Variants in LRRC37A2 observed in about 807,000 individuals in gnomAD.
The protein encoded by LRRC37A2 is leucine-rich repeat-containing protein 37A2.
A neutral mutation model predicts 68.8 loss-of-function variants in LRRC37A2; 9 were observed. That is an observed-to-expected ratio of 0.13 (90% CI 0.08 to 0.23). The LOEUF is 0.23. Ranked by LOEUF, LRRC37A2 falls within the 10% of genes least tolerant of loss-of-function variation. LRRC37A2 has a pLI of 1.00. For missense variants in LRRC37A2, 168 were observed against 950.4 expected (o/e 0.18, Z 10.82); for synonymous variants, 63 against 367.6 (o/e 0.17, Z 9.48).
At chr17:46,949,159 G>A in the LRRC37A2 span, 5 of 152,208 alleles carry the variant, frequency 3.3e-5, no homozygotes, top group Admixed American at 2.6e-4. Flanking sequence ...GCGATGTCTG[G>A]GGCCTCAGAT....
At chr17:46,766,004 C>T in the LRRC37A2 span, among the ~76,000 whole-genome samples, 1 of 152,128 alleles carries the variant, frequency 6.6e-6, no homozygotes, top group Non-Finnish European at 1.5e-5. Context: ...GGGTAGGAAC[C>T]ACTTGGACAC....
chr17:46,781,157 G>A, the LRRC37A2 span, among the ~76,000 whole-genome samples: 3 of 151,688 alleles, frequency 2.0e-5, no homozygotes, highest in Non-Finnish European at 4.4e-5. Flanking sequence ...GAACCTGAGA[G>A]GCAGAGGTTA....
At chr17:46,896,399 A>AAAG in the LRRC37A2 span, among the ~76,000 whole-genome samples, 4 of 65,454 alleles carry the variant, frequency 6.1e-5, no homozygotes, top group East Asian at 2.0e-3. Flanking sequence ...AAAGAGAAAG[A>AAAG]AAGAAAGAAA....
At chr17:46,717,982 T>C in the LRRC37A2 span, among the ~76,000 whole-genome samples, 4 of 152,200 alleles carry the variant, frequency 2.6e-5, no homozygotes, top group Non-Finnish European at 2.9e-5. Flanking sequence ...CCAGATCTAC[T>C]TGGGGCTAGT....
the LRRC37A2 span, among the ~76,000 whole-genome samples, chr17:46,894,702 A>G: frequency 6.6e-6 from 1 of 151,934 alleles, no homozygotes; most frequent in Non-Finnish European, 1.5e-5. Flanking sequence ...CTCCTGTGGA[A>G]TGACGAGCTC....
At chr17:46,788,692 G>A in the LRRC37A2 span, among the ~76,000 whole-genome samples, 7 of 152,128 alleles carry the variant, frequency 4.6e-5, no homozygotes, top group African/African-American at 1.2e-4. Context: ...TCTTTCACTC[G>A]TTTCCATGTA....
the LRRC37A2 span, among the ~76,000 whole-genome samples, chr17:46,982,699 TG>T: frequency 2.6e-5 from 4 of 152,054 alleles, no homozygotes; most frequent in Non-Finnish European, 5.9e-5. Context: ...GGGGAGGTGC[TG>T]GGGAGGGAAA....
the LRRC37A2 span, chr17:46,830,742 G>A: frequency 2.5e-6 from 1 of 398,570 alleles, no homozygotes; most frequent in Non-Finnish European, 4.4e-6. Flanking sequence ...AGAGGGCCAC[G>A]GGTGTTCTAG....
At chr17:46,872,723 A>G in the LRRC37A2 span, 23 of 1,460,640 alleles carry the variant, frequency 1.6e-5, no homozygotes, top group East Asian at 8.9e-5. Context: ...CAGTTCCGGC[A>G]TGAGCGCTGG....
At chr17:46,973,691 C>T in the LRRC37A2 span, among the ~76,000 whole-genome samples, 1 of 152,140 alleles carries the variant, frequency 6.6e-6, no homozygotes, top group Non-Finnish European at 1.5e-5. Context: ...CTGGACACCC[C>T]GTGTATCTGC....
chr17:46,819,814 G>C, the LRRC37A2 span, among the ~76,000 whole-genome samples: 1 of 152,222 alleles, frequency 6.6e-6, no homozygotes, highest in South Asian at 2.1e-4. This position sits in a 1 kb window ranked among gnomAD's most constrained non-coding sequence, Gnocchi z 5.3. Flanking sequence ...CCTCTCCAGA[G>C]CGAGGAATTA....
At chr17:46,961,821 A>T in the LRRC37A2 span, among the ~76,000 whole-genome samples, 1 of 152,178 alleles carries the variant, frequency 6.6e-6, no homozygotes, top group East Asian at 1.9e-4. Flanking sequence ...CCTTTATCTA[A>T]TGCCTACTGT....
chr17:46,895,410 G>A, the LRRC37A2 span, among the ~76,000 whole-genome samples: 1 of 152,210 alleles, frequency 6.6e-6, no homozygotes, highest in African/African-American at 2.4e-5. Flanking sequence ...TTATGAGGAC[G>A]GAACCTCTCT....
the LRRC37A2 span, chr17:47,021,674 C>A: frequency 2.9e-6 from 2 of 694,160 alleles, no homozygotes; most frequent in Non-Finnish European, 4.7e-6. Context: ...GTGCCAGTGA[C>A]CCCGCATAAT....
chr17:46,464,884 GT>G, the LRRC37A2 span, among the ~76,000 whole-genome samples: 1 of 11,816 alleles, frequency 8.5e-5, no homozygotes, highest in East Asian at 5.3e-4. Flanking sequence ...AACAGCAACA[GT>G]TTCAGTCACC....
At chr17:46,657,675 G>A in the LRRC37A2 span, among the ~76,000 whole-genome samples, 1 of 116,532 alleles carries the variant, frequency 8.6e-6, no homozygotes, top group African/African-American at 3.4e-5. Flanking sequence ...TTTACTTTTT[G>A]GCTCCTCATA....
the LRRC37A2 span, among the ~76,000 whole-genome samples, chr17:46,657,961 A>C: frequency 1.7e-5 from 1 of 57,330 alleles, no homozygotes; most frequent in Non-Finnish European, 2.7e-5. Flanking sequence ...TTTTTATTTT[A>C]TTTTATTTAT....
At chr17:46,633,665 A>G in the LRRC37A2 span, among the ~76,000 whole-genome samples, 2 of 112,550 alleles carry the variant, frequency 1.8e-5, no homozygotes, top group African/African-American at 4.0e-5. Context: ...TAATGCTGCA[A>G]TGAACCTCCC....
chr17:47,000,106 TAAAATAAAATA>T, the LRRC37A2 span, among the ~76,000 whole-genome samples: 3 of 133,906 alleles, frequency 2.2e-5, no homozygotes, highest in African/African-American at 7.8e-5. Flanking sequence ...TAAAATAAAA[TAAAATAAAATA>T]AAATAAAATA....
Sources: gnomAD v4.1 joint callset for allele counts (sites outside exome capture counted in the v4.1 genomes callset) on GRCh38, gnomAD v4.1.1 for gene constraint, Gnocchi (gnomAD v3.1) non-coding constraint, MANE v1.5 for transcripts, NCBI Gene and HGNC (gene_info 2026-07-23, HGNC 2026-07-21) for gene names.